Variants in GRID2 observed in about 807,000 individuals in gnomAD.
GRID2 encodes the protein glutamate ionotropic receptor delta type subunit 2, also known as glutamate receptor ionotropic, delta-2.
GRID2 carries 33 observed loss-of-function variants against 114.8 expected under a neutral mutation model. That is an observed-to-expected ratio of 0.29 (90% CI 0.22 to 0.38). GRID2 has a LOEUF of 0.38. Ranked by LOEUF, GRID2 falls within the 10% of genes least tolerant of loss-of-function variation. The pLI is 1.00. For missense variants in GRID2, 1,184 were observed against 1,257.7 expected (o/e 0.94, Z 0.89); for synonymous variants, 505 against 449.9 (o/e 1.12, Z -1.55).
intron 2 of GRID2, among the ~76,000 whole-genome samples, chr4:93,010,285 A>G (rs1040590760): frequency 6.6e-6 from 1 of 152,022 alleles, no homozygotes; most frequent in Admixed American, 6.6e-5. Flanking sequence ...ATTTATATCA[A>G]TCATTAATAT....
intron 1 of GRID2, among the ~76,000 whole-genome samples, chr4:92,454,205 C>CA (rs1721093732): frequency 6.6e-6 from 1 of 152,030 alleles, no homozygotes; most frequent in Non-Finnish European, 1.5e-5. Context: ...AAAACAATGA[C>CA]AAAATAATTA....
chr4:93,513,655 G>A (rs972340094), intron 12 of GRID2, among the ~76,000 whole-genome samples: 2 of 152,144 alleles, frequency 1.3e-5, no homozygotes, highest in Non-Finnish European at 2.9e-5. Context: ...ATTATTTTAT[G>A]CAACAGATGT....
chr4:93,015,369 G>A (rs965221266), intron 2 of GRID2, among the ~76,000 whole-genome samples: 1 of 152,182 alleles, frequency 6.6e-6, no homozygotes, highest in South Asian at 2.1e-4. Context: ...GAGCACAGAT[G>A]CTGGAGCCAC....
intron 8 of GRID2, among the ~76,000 whole-genome samples, chr4:93,332,311 A>AGAGAGG (rs1758582406): frequency 6.6e-6 from 1 of 150,924 alleles, no homozygotes; most frequent in African/African-American, 2.4e-5. Context: ...AGAGAGAGAG[A>AGAGAGG]GAGAGAGAGA....
intron 2 of GRID2, among the ~76,000 whole-genome samples, chr4:92,784,784 G>T (rs1006342660): frequency 3.3e-5 from 5 of 151,744 alleles, no homozygotes; most frequent in African/African-American, 1.2e-4. Flanking sequence ...AGCAAACCAG[G>T]TGCCAAATAT....
intron 1 of GRID2, among the ~76,000 whole-genome samples, chr4:92,418,619 T>G (rs113983008): frequency 3.7e-4 from 56 of 152,114 alleles, no homozygotes; most frequent in African/African-American, 1.3e-3. Context: ...TGCTAACAAA[T>G]GAGTAAAAAG....
intron 2 of GRID2, among the ~76,000 whole-genome samples, chr4:92,742,171 T>C (rs1736923581): frequency 6.6e-6 from 1 of 152,192 alleles, no homozygotes. Flanking sequence ...GTGACTTCTT[T>C]CTTAATGTCA....
At chr4:93,423,880 T>A (rs1768582104) in intron 10 of GRID2, among the ~76,000 whole-genome samples, 1 of 152,076 alleles carries the variant, frequency 6.6e-6, no homozygotes, top group African/African-American at 2.4e-5. Flanking sequence ...ATGTATACCA[T>A]TTTTTTCTCT....
intron 4 of GRID2, among the ~76,000 whole-genome samples, chr4:93,192,286 C>T (rs1314013469): frequency 1.3e-5 from 2 of 152,152 alleles, no homozygotes; most frequent in Admixed American, 1.3e-4. Flanking sequence ...GGCCAATATT[C>T]TATTTTTAGG....
chr4:92,584,426 A>G (rs904221043), intron 1 of GRID2, among the ~76,000 whole-genome samples: 13 of 152,000 alleles, frequency 8.6e-5, no homozygotes, highest in Non-Finnish European at 1.9e-4. Flanking sequence ...GAAAGGATAT[A>G]TGATGATTTA....
chr4:93,666,263 A>G (rs960246207), intron 14 of GRID2, among the ~76,000 whole-genome samples: 1 of 152,104 alleles, frequency 6.6e-6, no homozygotes, highest in African/African-American at 2.4e-5. Context: ...AGCACCTTAT[A>G]TATTATATAT....
At chr4:93,556,015 GC>G (rs1342473643) in intron 13 of GRID2, among the ~76,000 whole-genome samples, 6 of 152,164 alleles carry the variant, frequency 3.9e-5, no homozygotes, top group South Asian at 2.1e-4. Context: ...CAGCAGAAGG[GC>G]CTGACTGTTA....
intron 1 of GRID2, among the ~76,000 whole-genome samples, chr4:92,437,446 A>T (rs554948852): frequency 6.6e-6 from 1 of 152,166 alleles, no homozygotes; most frequent in South Asian, 2.1e-4. Context: ...AGCCCAGCTA[A>T]TTTTTGTAGA....
At chr4:93,352,953 G>C (rs1760946896) in intron 8 of GRID2, among the ~76,000 whole-genome samples, 2 of 152,028 alleles carry the variant, frequency 1.3e-5, no homozygotes, top group Admixed American at 1.3e-4. Flanking sequence ...GTGGTCAACA[G>C]AAGCAATCAA....
intron 14 of GRID2, among the ~76,000 whole-genome samples, chr4:93,707,630 T>C (rs1728123359): frequency 6.6e-6 from 1 of 151,960 alleles, no homozygotes; most frequent in Non-Finnish European, 1.5e-5. Context: ...GATTTTATCT[T>C]TTCAAGAAAT....
At chr4:93,082,429 A>G (rs1729951183) in intron 2 of GRID2, among the ~76,000 whole-genome samples, 1 of 152,130 alleles carries the variant, frequency 6.6e-6, no homozygotes, top group Non-Finnish European at 1.5e-5. Context: ...TCTTGACAAT[A>G]AAGGATTGGG....
chr4:92,890,873 T>C (rs1393447053), intron 2 of GRID2, among the ~76,000 whole-genome samples: 5 of 152,106 alleles, frequency 3.3e-5, no homozygotes, highest in Non-Finnish European at 7.3e-5. Flanking sequence ...AAAATGCCCA[T>C]CAATGATAGA....
At chr4:92,838,536 C>T (rs1488270999) in intron 2 of GRID2, among the ~76,000 whole-genome samples, 1 of 152,006 alleles carries the variant, frequency 6.6e-6, no homozygotes, top group African/African-American at 2.4e-5. Context: ...ATCCATTTGA[C>T]TAATGAATAT....
intron 12 of GRID2, among the ~76,000 whole-genome samples, chr4:93,510,862 T>G (rs973649091): frequency 2.0e-5 from 3 of 152,182 alleles, no homozygotes; most frequent in Non-Finnish European, 4.4e-5. Flanking sequence ...TCTAACCTAC[T>G]CAATGTTAAA....
Sources: gnomAD v4.1 joint callset for allele counts (sites outside exome capture counted in the v4.1 genomes callset) on GRCh38, gnomAD v4.1.1 for gene constraint, MANE v1.5 for transcripts, NCBI Gene and HGNC (gene_info 2026-07-23, HGNC 2026-07-21) for gene names.